FAM193A: variants seen among roughly 807,000 people sequenced by gnomAD.
The protein encoded by FAM193A is protein FAM193A.
A neutral mutation model predicts 126.5 loss-of-function variants in FAM193A; 22 were observed. The observed-to-expected ratio is 0.17, with a 90% CI of 0.12 to 0.25. The LOEUF is 0.25. Among genes scored for constraint, FAM193A ranks in the 10% least tolerant of loss-of-function variants. FAM193A has a pLI of 1.00. For synonymous variants in FAM193A, 761 were observed against 646.8 expected, an observed-to-expected ratio of 1.18 and a Z score of -2.68; for missense variants, 1,675 against 1,672.8, an observed-to-expected ratio of 1.00 and a Z score of -0.02.
In FAM193A at chr4:2,672,322, C is replaced by T. The variant is rs374910870; in HGVS notation, c.2281C>T (p.Pro761Ser). 9.9e-6 allele frequency: 16 copies of T among 1,614,196 alleles called. No homozygotes were observed. The highest frequency in any genetic ancestry group is 1.3e-5 in the Non-Finnish European group (15 of 1,180,036). The change falls in exon 13 of 21, where the codon CCT (proline) becomes TCT (serine). Residue 761 changes from proline (P) to serine (S), a missense_variant. Around this residue, in one of 4 missense-constraint regions of FAM193A, gnomAD observed 1,186 missense variants for 1,109.2 expected, o/e 1.07. Transcript: ENST00000637812. The stretch of plus-strand genomic sequence containing the variant: ...GCACACTGTTCCACACCTGCCACGC[C>T]CTCTCATCCACCCCACCTTGTATGC... ...PLHTVPHLPR[P>S]LIHPTLYATP...
At chr4:2,600,695 A>G (rs1741146060) in intron 2 of FAM193A, among the ~76,000 whole-genome samples, 1 of 151,766 alleles carries the variant, frequency 6.6e-6, no homozygotes, top group African/African-American at 2.4e-5. Flanking sequence ...TTTCCTCTCC[A>G]AGGCCCACCC....
rs753139071 is a variant in FAM193A, at chr4:2,700,310, C to T, written c.4138C>T (p.Leu1380Phe). 6.2e-7 allele frequency: 1 copy of T among 1,613,990 alleles called. No homozygotes were observed. The highest frequency in any genetic ancestry group is 8.5e-7 in the Non-Finnish European group (1 of 1,179,996). ...TGAGTCAAAGGCTAAGGTGGTCGACCTCATGTCCATCACAGAGCAGAAAAG... is the reference window on the plus strand; with the variant it reads ...TGAGTCAAAGGCTAAGGTGGTCGACTTCATGTCCATCACAGAGCAGAAAAG... ...QTESKAKVVDLMSITEQKREE... is the reference protein window; with the variant it reads ...QTESKAKVVDFMSITEQKREE... The change falls in exon 19 of 21, where the codon CTC becomes TTC. Residue 1380 changes from leucine (L) to phenylalanine (F), a missense_variant. Transcript: ENST00000637812.
At chr4:2,568,473 T>C (rs944921547) in intron 1 of FAM193A, among the ~76,000 whole-genome samples, 3 of 152,148 alleles carry the variant, frequency 2.0e-5, no homozygotes, top group African/African-American at 7.2e-5. Flanking sequence ...TGAGCTGTGA[T>C]TGTGTCATTG....
intron 1 of FAM193A, among the ~76,000 whole-genome samples, chr4:2,552,847 CT>C (rs5855745): frequency 0.064 from 7,656 of 119,256 alleles, 259 homozygotes; most frequent in African/African-American, 0.14. Context: ...ACAGAACTTT[CT>C]TTTTTTTTTT....
In FAM193A at chr4:2,659,927, G is replaced by A; in HGVS notation, c.1618G>A (p.Asp540Asn). ...CCCACTTCAAGTGGATCCTGCTCCT[G>A]ACTATCTTGCTGAGAGGAGCCCGCC... ...QLPLQVDPAP[D>N]YLAERSPPSV... Residue 540 changes from aspartate (D) to asparagine (N), a missense_variant, in exon 10 of 21, where the codon GAC becomes AAC. Physicochemically the swap from Asp to Asn is conservative, Grantham distance 23 (BLOSUM62 1). This residue lies in a region of FAM193A where 1,186 missense variants were observed against 1,109.2 expected (regional missense o/e 1.07). Transcript: ENST00000637812. The A allele has an allele frequency of 6.2e-7, 1 of 1,614,180 alleles. No homozygotes were observed. The highest frequency in any genetic ancestry group is 8.5e-7 in the Non-Finnish European group (1 of 1,180,036).
chr4:2,552,851 T>C (rs1421569701), intron 1 of FAM193A, among the ~76,000 whole-genome samples: 108 of 148,166 alleles, frequency 7.3e-4, no homozygotes, highest in South Asian at 1.3e-3. Context: ...AACTTTCTTT[T>C]TTTTTTTTTT....
intron 2 of FAM193A, among the ~76,000 whole-genome samples, chr4:2,622,257 C>CAAAAAAAAAAAAA (rs71178493): frequency 2.7e-4 from 15 of 55,574 alleles, no homozygotes; most frequent in African/African-American, 1.0e-3. Flanking sequence ...ACCCTGTCTC[C>CAAAAAAAAAAAAA]AAAAAAAAAA....
intron 13 of FAM193A, among the ~76,000 whole-genome samples, chr4:2,677,536 C>G (rs1440965591): frequency 6.6e-6 from 1 of 151,596 alleles, no homozygotes; most frequent in African/African-American, 2.4e-5. Flanking sequence ...GTCAGGAGAT[C>G]GAGACCATCC....
At chr4:2,553,479 C>T (rs1738071399) in intron 1 of FAM193A, among the ~76,000 whole-genome samples, 2 of 148,642 alleles carry the variant, frequency 1.3e-5, no homozygotes, top group African/African-American at 2.5e-5. Flanking sequence ...CTCCCGGGTT[C>T]AAGAGATTCT....
At chr4:2,561,605 T>C (rs1738619630) in intron 1 of FAM193A, among the ~76,000 whole-genome samples, 1 of 151,758 alleles carries the variant, frequency 6.6e-6, no homozygotes, top group African/African-American at 2.4e-5. Flanking sequence ...CAGGTGATTC[T>C]CCTGCCTCAG....
chr4:2,727,624 T>C lies in FAM193A; in HGVS notation c.4455-4151T>C, dbSNP rs182256277. 4.6e-5 allele frequency among the ~76,000 whole-genome samples: 7 copies of C among 152,360 alleles called. No homozygotes were observed. In the East Asian group the frequency reaches 1.3e-3, roughly 29 times the overall value. The stretch of plus-strand genomic sequence containing the variant: ...CCATTTGGGATACCCATTTGTCATC[T>C]TTTCTACTAAAGGAAACTAAAATAT... On this transcript the variant is annotated intron_variant, in intron 20 of 20. Transcript: ENST00000637812.
At chr4:2,681,949 C>A (rs1278416802) in intron 13 of FAM193A, among the ~76,000 whole-genome samples, 1 of 150,182 alleles carries the variant, frequency 6.7e-6, no homozygotes, top group Non-Finnish European at 1.5e-5. Context: ...TTGTTTCCAT[C>A]CCTTTACTTT....
chr4:2,565,261 T>TC, intron 1 of FAM193A, among the ~76,000 whole-genome samples: 1 of 34,660 alleles, frequency 2.9e-5, no homozygotes, highest in East Asian at 7.4e-4. Context: ...AGCCTTTTTT[T>TC]TTTTTTTTTT....
intron 5 of FAM193A, among the ~76,000 whole-genome samples, chr4:2,631,852 C>T (rs945529608): frequency 3.3e-5 from 5 of 152,176 alleles, no homozygotes; most frequent in African/African-American, 1.2e-4. Context: ...CCTCAACAGC[C>T]TCAGTGCCCC....
chr4:2,543,601 A>G (rs1737365696), intron 1 of FAM193A, among the ~76,000 whole-genome samples: 3 of 151,990 alleles, frequency 2.0e-5, no homozygotes, highest in Non-Finnish European at 4.4e-5. Context: ...TCACGCCTGT[A>G]ATCTTAGCAC....
intron 19 of FAM193A, among the ~76,000 whole-genome samples, chr4:2,704,569 A>T (rs1718097233): frequency 6.6e-6 from 1 of 152,142 alleles, no homozygotes; most frequent in South Asian, 2.1e-4. Context: ...TATCTGAAAA[A>T]AAAATAAAAT....
rs1043549038 is a variant in FAM193A at position 2,626,433 on chromosome 4, G to A, written c.659G>A (p.Arg220Gln). Reference protein sequence around the residue: ...ERREISAEADREPQQLQNYWS... With the variant: ...ERREISAEADQEPQQLQNYWS... ...AGAGAAATTTCGGCAGAGGCGGACC[G>A]GGAACCTCAGCAGCTGCAGAACTAC... The change falls in exon 4 of 21, where the codon CGG becomes CAG. Residue 220 changes from arginine (R) to glutamine (Q), a missense_variant. Coordinates refer to ENST00000637812, the MANE Select transcript of FAM193A (RefSeq NM_001366318.2). The A allele has an allele frequency of 5.7e-6, 4 of 699,966 alleles. No homozygotes were observed. Among genetic ancestry groups the A allele is most frequent in the African/African-American group, 3.5e-5 (2 of 57,208 alleles). 43.4% of individuals were successfully genotyped at this position (699,966 alleles called of 1,614,324 possible). A position where few individuals can be genotyped will look rare whatever the true frequency, so the allele number is the denominator to read the frequency against.
intron 7 of FAM193A, among the ~76,000 whole-genome samples, chr4:2,653,109 A>G (rs1012409858): frequency 1.3e-5 from 2 of 152,254 alleles, no homozygotes; most frequent in Non-Finnish European, 2.9e-5. Context: ...TTCTAGTTTC[A>G]GAGATTCATT....
intron 2 of FAM193A, among the ~76,000 whole-genome samples, chr4:2,622,449 T>C (rs960657697): frequency 1.1e-4 from 17 of 151,958 alleles, no homozygotes; most frequent in African/African-American, 3.6e-4. Context: ...GGGTCTTTGT[T>C]CTCTGCTGGG....
Sources: allele counts gnomAD v4.1 joint callset (sites outside exome capture counted in the v4.1 genomes callset), GRCh38; gene constraint gnomAD v4.1.1; regional missense constraint gnomAD v4.1.1; transcripts MANE v1.5; gene names NCBI Gene and HGNC (gene_info 2026-07-23, HGNC 2026-07-21).